The following ZC4H2 variants were observed in gnomAD, a reference collection of about 807,000 sequenced individuals.
The protein encoded by ZC4H2 is zinc finger C4H2 domain-containing protein.
For synonymous variants in ZC4H2, 84 were observed against 66.3 expected, an observed-to-expected ratio of 1.27 and a Z score of -1.30; for missense variants, 137 against 173.9, an observed-to-expected ratio of 0.79 and a Z score of 1.19.
intron 1 of ZC4H2, among the ~76,000 whole-genome samples, chrX:65,020,454 A>G (rs1056144839): frequency 8.9e-6 from 1 of 111,893 alleles, no homozygotes; most frequent in Admixed American, 9.5e-5. Flanking sequence ...TAAGTGAAGG[A>G]GAAATAAAAT....
chrX:65,017,863 T>G (rs1403768984), intron 1 of ZC4H2, among the ~76,000 whole-genome samples: 1 of 111,827 alleles, frequency 8.9e-6, no homozygotes, highest in Non-Finnish European at 1.9e-5. Flanking sequence ...GGATAGAGGG[T>G]GAAACAGAAA....
rs140551642 is a variant in ZC4H2 at position 64,920,062 on chromosome X, C to A, written c.398+19G>T. 8,473 of 1,202,881 alleles carry A rather than the reference C, an allele frequency of 7.0e-3. 33 individuals carry two copies. Among genetic ancestry groups the A allele is most frequent in the Middle Eastern group, 0.012 (46 of 3,829 alleles). On this transcript the variant is annotated intron_variant, in intron 3 of 4. Transcript: ENST00000374839. ...TCGGAGGGAGGGTATGTTGTAGGGA[C>A]TGGGGGCAGGTAGCTTACTCCAAGG... is the stretch of plus-strand genomic sequence containing the variant.
intron 1 of ZC4H2, among the ~76,000 whole-genome samples, chrX:64,928,602 T>C (rs1033138992): frequency 2.9e-4 from 32 of 109,998 alleles, no homozygotes; most frequent in African/African-American, 1.1e-3. Context: ...CTTTTGAGAA[T>C]TTCCTATTCA....
intron 1 of ZC4H2, among the ~76,000 whole-genome samples, chrX:64,982,430 C>T (rs773603231): frequency 8.9e-6 from 1 of 112,348 alleles, no homozygotes; most frequent in African/African-American, 3.2e-5. Flanking sequence ...AAGCACCTAG[C>T]ACATTGGTTG....
At chrX:65,026,622 T>C (rs943419518) in intron 1 of ZC4H2, among the ~76,000 whole-genome samples, 13 of 108,970 alleles carry the variant, frequency 1.2e-4, no homozygotes, top group Admixed American at 1.2e-3. Context: ...GGCAGGAGAA[T>C]GGCGTGAACC....
chrX:64,969,317 C>A (rs1931695923), intron 1 of ZC4H2, among the ~76,000 whole-genome samples: 1 of 111,824 alleles, frequency 8.9e-6, no homozygotes, highest in Admixed American at 9.5e-5. Context: ...GGCCATGGAT[C>A]ATCCATTGCT....
At chrX:65,008,961 A>G (rs902219149) in intron 1 of ZC4H2, among the ~76,000 whole-genome samples, 20 of 111,868 alleles carry the variant, frequency 1.8e-4, no homozygotes, top group African/African-American at 6.5e-4. Flanking sequence ...CTAAAAGAGT[A>G]GAATTAAAAT....
intron 1 of ZC4H2, among the ~76,000 whole-genome samples, chrX:65,029,539 G>C (rs1407354412): frequency 9.0e-6 from 1 of 111,461 alleles, no homozygotes; most frequent in Non-Finnish European, 1.9e-5. Flanking sequence ...TTTTAAGAAT[G>C]GAAGAGTCTT....
chrX:64,952,972 A>T (rs1260821529), intron 1 of ZC4H2, among the ~76,000 whole-genome samples: 1 of 111,749 alleles, frequency 8.9e-6, no homozygotes, highest in African/African-American at 3.3e-5. Context: ...ACCAAAACAG[A>T]GATATAGACC....
chrX:64,918,737 C>A (rs1263502178), intron 4 of ZC4H2: 1 of 204,488 alleles, frequency 4.9e-6, no homozygotes, highest in Non-Finnish European at 8.9e-6. Context: ...CTGCTGGTTC[C>A]CTCATTTATG....
chrX:64,930,886 A>C (rs1206507559), intron 1 of ZC4H2, among the ~76,000 whole-genome samples: 1 of 111,668 alleles, frequency 9.0e-6, no homozygotes, highest in South Asian at 3.7e-4. Context: ...GAATGATTTA[A>C]TGAGGATTTC....
intron 1 of ZC4H2, among the ~76,000 whole-genome samples, chrX:65,006,756 C>A (rs1932669583): frequency 8.9e-6 from 1 of 111,829 alleles, no homozygotes; most frequent in Non-Finnish European, 1.9e-5. Flanking sequence ...TATGGGGCGA[C>A]CTTTGCATGT....
intron 1 of ZC4H2, among the ~76,000 whole-genome samples, chrX:65,024,353 G>A (rs1410700241): frequency 9.0e-6 from 1 of 111,523 alleles, no homozygotes; most frequent in East Asian, 2.8e-4. Context: ...TATTATTAAA[G>A]TCAAAAAACA....
intron 4 of ZC4H2, chrX:64,918,331 G>A (rs1293296798): frequency 1.7e-5 from 2 of 116,896 alleles, no homozygotes; most frequent in African/African-American, 6.5e-5. Flanking sequence ...ATAGACAATA[G>A]CTTGCATGCA....
intron 1 of ZC4H2, among the ~76,000 whole-genome samples, chrX:64,933,537 C>CT (rs1237134675): frequency 9.0e-6 from 1 of 110,682 alleles, no homozygotes; most frequent in African/African-American, 3.3e-5. Context: ...TTTTTAACTT[C>CT]TTTTTTTCTT....
At chrX:65,034,454 A>G (rs1281712887) in intron 1 of ZC4H2, among the ~76,000 whole-genome samples, 1 of 112,054 alleles carries the variant, frequency 8.9e-6, no homozygotes, top group Non-Finnish European at 1.9e-5. Context: ...GTAGGCAAAT[A>G]AAATAAAAAC....
At chrX:64,962,543 C>A (rs1931437951) in intron 1 of ZC4H2, among the ~76,000 whole-genome samples, 1 of 111,322 alleles carries the variant, frequency 9.0e-6, no homozygotes, top group Non-Finnish European at 1.9e-5. Flanking sequence ...GAGACCTAAC[C>A]AGAGCAATTA....
Position 64,929,990 on chromosome X carries a change from C to A in ZC4H2, c.54-8002G>T, listed in dbSNP as rs185855806. Among the ~76,000 whole-genome samples, 133 of 111,628 alleles carry A rather than the reference C, an allele frequency of 1.2e-3. 1 individual carries two copies. The highest frequency in any genetic ancestry group is 4.3e-3 in the African/African-American group (133 of 30,703). On this transcript the variant is annotated intron_variant, in intron 1 of 4. Coordinates refer to ENST00000374839, the MANE Select transcript of ZC4H2 (RefSeq NM_018684.4). ...GGTCATTTTCATACTATTGATTCTA[C>A]CCCTCCATGAGCATGGAATATGTTG...
intron 4 of ZC4H2, 50 bp downstream of exon 4, chrX:64,918,992 C>T (rs374090677): frequency 4.4e-6 from 5 of 1,127,541 alleles, no homozygotes; most frequent in Non-Finnish European, 5.9e-6. Flanking sequence ...CACGGCCCTT[C>T]CATGGGAGGA....
Sources: gnomAD v4.1 joint callset for allele counts (sites outside exome capture counted in the v4.1 genomes callset) on GRCh38, gnomAD v4.1.1 for gene constraint, MANE v1.5 for transcripts, NCBI Gene and HGNC (gene_info 2026-07-23, HGNC 2026-07-21) for gene names.